The following ZNF8 variants were observed in gnomAD, a reference collection of about 807,000 sequenced individuals.
ZNF8 encodes the protein zinc finger protein 272.
Under a neutral mutation model 12.2 loss-of-function variants are expected in ZNF8, and 9 were observed. The observed-to-expected ratio is 0.73, with a 90% confidence interval of 0.44 to 1.28. The LOEUF (loss-of-function observed/expected upper bound fraction) is 1.28. ZNF8 is among the 50% of genes most tolerant of loss of function. The pLI is 0.00. For synonymous variants in ZNF8, 274 were observed against 282.3 expected, an observed-to-expected ratio of 0.97 and a Z score of 0.30; for missense variants, 664 against 729.1, an observed-to-expected ratio of 0.91 and a Z score of 1.03.
rs1047346115 is a variant in ZNF8, at chr19:58,294,738, C to T, written c.930C>T (p.Asp310=). 1 of 1,614,152 alleles carries T rather than the reference C, an allele frequency of 6.2e-7. No individual in the cohort carries two copies. The highest frequency in any genetic ancestry group is 1.1e-5 in the South Asian group (1 of 91,086). The change falls in exon 4 of 4, where the codon GAC becomes GAT. Residue 310 remains aspartate, a synonymous_variant. Coordinates refer to ENST00000621650, the MANE Select transcript of ZNF8 (RefSeq NM_021089.3). This position sits in a 1 kb window ranked among gnomAD's most constrained non-coding sequence, Gnocchi z 5.5. ...LVQHERIHTG[D]KPYKCAECGK... is the part of the protein sequence containing the mutation. Reference sequence around the variant, plus strand: ...AGCATGAGCGCATCCACACTGGAGACAAGCCCTACAAGTGTGCCGAATGTG... The same window carrying T: ...AGCATGAGCGCATCCACACTGGAGATAAGCCCTACAAGTGTGCCGAATGTG...
At position 58,279,006 on chromosome 19, in the gene ZNF8, G is replaced by A; in HGVS notation, c.-76G>A. The A allele has an allele frequency of 7.4e-7, 1 of 1,347,916 alleles. No homozygotes were observed. The highest frequency in any genetic ancestry group is 9.6e-7 in the Non-Finnish European group (1 of 1,041,164). 83.5% of individuals were successfully genotyped at this position (1,347,916 alleles called of 1,614,324 possible). On this transcript the variant is annotated 5_prime_UTR_variant, in exon 1 of 4. Coordinates refer to ENST00000621650, the MANE Select transcript of ZNF8 (RefSeq NM_021089.3). Reference sequence around the variant, plus strand: ...GCCATTGTCCGGCGTTCGGCGAGTCGGGTGGTCCCTTTGGCTGGAGTGCCT... The same window carrying A: ...GCCATTGTCCGGCGTTCGGCGAGTCAGGTGGTCCCTTTGGCTGGAGTGCCT...
At position 58,294,042 on chromosome 19, in the gene ZNF8, G is replaced by A; in HGVS notation, c.290-56G>A. 6.6e-7 allele frequency: 1 copy of A among 1,508,498 alleles called. No homozygotes were observed. Among genetic ancestry groups the A allele is most frequent in the Non-Finnish European group, 9.0e-7 (1 of 1,113,802 alleles). The allele number at this position is 1,508,498 out of a possible 1,614,324, so 93.4% of individuals were successfully genotyped here. Reference sequence around the variant, plus strand: ...ATCAGGCCTATGGTGTTGGAGGCCTGTCCCCCTTCCGTTTTTTTCTCCCAA... The same window carrying A: ...ATCAGGCCTATGGTGTTGGAGGCCTATCCCCCTTCCGTTTTTTTCTCCCAA... On this transcript the variant is annotated intron_variant, in intron 3 of 3. Transcript: ENST00000621650. The surrounding 1 kb of genome is among the most constrained non-coding windows in gnomAD (Gnocchi z 5.5).
At chr19:58,288,917 A>G (rs1221982539) in intron 3 of ZNF8, among the ~76,000 whole-genome samples, 1 of 152,080 alleles carries the variant, frequency 6.6e-6, no homozygotes, top group Non-Finnish European at 1.5e-5. Context: ...ATCACCCTGG[A>G]CATATGCCTG....
intron 1 of ZNF8, among the ~76,000 whole-genome samples, chr19:58,282,671 A>C (rs1339638690): frequency 1.3e-5 from 2 of 151,642 alleles, no homozygotes; most frequent in African/African-American, 2.4e-5. Flanking sequence ...TGTGTCGCCC[A>C]GGCTGGAGTG....
intron 1 of ZNF8, among the ~76,000 whole-genome samples, chr19:58,280,971 G>A (rs2051347644): frequency 6.6e-6 from 1 of 152,102 alleles, no homozygotes; most frequent in African/African-American, 2.4e-5. Context: ...GGGCCCACCT[G>A]GATAATCCAG....
At chr19:58,290,917 G>A (rs2147958967) in intron 3 of ZNF8, among the ~76,000 whole-genome samples, 1 of 152,324 alleles carries the variant, frequency 6.6e-6, no homozygotes, top group Non-Finnish European at 1.5e-5. Context: ...GCTGGGTGTG[G>A]TGGTGCATGC....
rs1368157194 is a variant in ZNF8, at chr19:58,285,672, T to C, written c.67-45T>C. On this transcript the variant is annotated intron_variant, in intron 1 of 3. Transcript: ENST00000621650. ...CCATTCTTCCTCTGCCAGAAAGCAC[T>C]GATGGAGATAGTCCAGCTGATTGAG... The C allele has an allele frequency of 2.5e-6, 4 of 1,614,090 alleles. No homozygotes were observed. In the South Asian group the frequency reaches 4.4e-5, roughly 18 times the overall value.
intron 3 of ZNF8, among the ~76,000 whole-genome samples, chr19:58,293,481 G>A (rs774653881): frequency 6.6e-6 from 1 of 152,194 alleles, no homozygotes; most frequent in Non-Finnish European, 1.5e-5. Context: ...CCTGTATTTT[G>A]GTCAGGACAA....
intron 1 of ZNF8, among the ~76,000 whole-genome samples, chr19:58,283,842 G>T (rs763207156): frequency 6.6e-6 from 1 of 151,518 alleles, no homozygotes; most frequent in South Asian, 2.1e-4. Flanking sequence ...CTCGTGATCT[G>T]CCCGCCTCGG....
At chr19:58,281,673 A>G (rs532521584) in intron 1 of ZNF8, among the ~76,000 whole-genome samples, 2 of 152,346 alleles carry the variant, frequency 1.3e-5, no homozygotes, top group East Asian at 3.9e-4. Flanking sequence ...GCGAAGACAC[A>G]GAGACAGGAG....
intron 1 of ZNF8, 174 bp downstream of exon 1, chr19:58,279,321 G>C (rs1442884933): frequency 1.3e-6 from 2 of 1,488,694 alleles, no homozygotes; most frequent in South Asian, 2.5e-5. Context: ...GTCAGAGAGG[G>C]GGCCGGGATT....
chr19:58,291,372 A>T (rs2051418550), intron 3 of ZNF8, among the ~76,000 whole-genome samples: 1 of 152,056 alleles, frequency 6.6e-6, no homozygotes, highest in Admixed American at 6.5e-5. Context: ...GCCTGTCTCA[A>T]CCTCAGTGCT....
At chr19:58,285,682 A>T (rs2051378615) in intron 1 of ZNF8, 35 bp from the exon 2 acceptor site, 1 of 1,614,028 alleles carries the variant, frequency 6.2e-7, no homozygotes, top group Non-Finnish European at 8.5e-7. Context: ...TGATGGAGAT[A>T]GTCCAGCTGA....
chr19:58,279,750 G>A, intron 1 of ZNF8: 1 of 1,503,738 alleles, frequency 6.7e-7, no homozygotes, highest in Non-Finnish European at 8.9e-7. Context: ...TGTTTGCAGG[G>A]CCATCTGGCC....
chr19:58,301,200 C>T lies in ZNF8; in HGVS notation c.*5664C>T, dbSNP rs2051489922. ...ACTCATTTTCCACCCAGACTAGTCTCTGCTTCCCTGATCCCTTTCCTGGAG... is the reference window on the plus strand; with the variant it reads ...ACTCATTTTCCACCCAGACTAGTCTTTGCTTCCCTGATCCCTTTCCTGGAG... On this transcript the variant is annotated 3_prime_UTR_variant, in exon 4 of 4. Coordinates refer to ENST00000621650, the MANE Select transcript of ZNF8 (RefSeq NM_021089.3). 6.6e-6 allele frequency: 1 copy of T among 152,274 alleles called. No homozygotes were observed. Among genetic ancestry groups the T allele is most frequent in the African/African-American group, 2.4e-5 (1 of 41,462 alleles). 9.4% of individuals were successfully genotyped at this position (152,274 alleles called of 1,614,324 possible).
At chr19:58,290,896 CA>C (rs892822119) in intron 3 of ZNF8, among the ~76,000 whole-genome samples, 1 of 152,054 alleles carries the variant, frequency 6.6e-6, no homozygotes, top group Admixed American at 6.6e-5. Flanking sequence ...ACAAAAAATG[CA>C]AAAAAATTAG....
chr19:58,285,681 T>G, intron 1 of ZNF8, 36 bp from the exon 2 acceptor site: 1 of 1,614,152 alleles, frequency 6.2e-7, no homozygotes, highest in South Asian at 1.1e-5. Flanking sequence ...CTGATGGAGA[T>G]AGTCCAGCTG....
chr19:58,284,233 A>G (rs1346744571), intron 1 of ZNF8, among the ~76,000 whole-genome samples: 1 of 152,122 alleles, frequency 6.6e-6, no homozygotes, highest in Non-Finnish European at 1.5e-5. Flanking sequence ...TCGAGAAAAA[A>G]AAAATAATAA....
In ZNF8 at chr19:58,294,026, A is replaced by G; in HGVS notation, c.290-72A>G. 2 of 1,365,824 alleles carry G rather than the reference A, an allele frequency of 1.5e-6. No individual in the cohort carries two copies. The highest frequency in any genetic ancestry group is 2.0e-6 in the Non-Finnish European group (2 of 991,908). 84.6% of individuals were successfully genotyped at this position (1,365,824 alleles called of 1,614,324 possible). A position where few individuals can be genotyped will look rare whatever the true frequency, so the allele number is the denominator to read the frequency against. Reference sequence around the variant, plus strand: ...AGGACCCCATTTCAATATCAGGCCTATGGTGTTGGAGGCCTGTCCCCCTTC... The same window carrying G: ...AGGACCCCATTTCAATATCAGGCCTGTGGTGTTGGAGGCCTGTCCCCCTTC... On this transcript the variant is annotated intron_variant, in intron 3 of 3. Coordinates refer to ENST00000621650, the MANE Select transcript of ZNF8 (RefSeq NM_021089.3). The surrounding 1 kb of genome is among the most constrained non-coding windows in gnomAD (Gnocchi z 5.5).
Sources: allele counts gnomAD v4.1 joint callset (sites outside exome capture counted in the v4.1 genomes callset), GRCh38; gene constraint gnomAD v4.1.1; non-coding constraint Gnocchi (gnomAD v3.1); transcripts MANE v1.5; gene names NCBI Gene and HGNC (gene_info 2026-07-23, HGNC 2026-07-21).